The following TTC7B variants were observed in gnomAD, a reference collection of about 807,000 sequenced individuals.
The protein encoded by TTC7B is tetratricopeptide repeat protein 7B.
A neutral mutation model predicts 106.8 loss-of-function variants in TTC7B; 28 were observed. The observed-to-expected ratio is 0.26, with a 90% CI of 0.19 to 0.36. TTC7B has a LOEUF of 0.36. TTC7B is among the 10% of genes least tolerant of loss of function. TTC7B has a pLI of 1.00. For synonymous variants in TTC7B, 405 were observed against 430.6 expected (o/e 0.94, Z 0.74); for missense variants, 862 against 1,076.4 (o/e 0.80, Z 2.79).
Position 90,608,211 on chromosome 14 carries a change from G to A in TTC7B, c.1966+2531C>T, listed in dbSNP as rs376220676. On this transcript the variant is annotated intron_variant, in intron 17 of 19. Transcript: ENST00000328459. This position sits in a 1 kb window ranked among gnomAD's most constrained non-coding sequence, Gnocchi z 5.1. ...ATGGAGGCATTTTTCCCCATTTTTA[G>A]GCAAGCCTTCCCAACGTGTAAGTTT... Among the ~76,000 whole-genome samples the A allele has an allele frequency of 2.6e-5, 4 of 152,286 alleles. No homozygotes were observed. Among genetic ancestry groups the A allele is most frequent in the African/African-American group, 9.6e-5 (4 of 41,546 alleles).
intron 3 of TTC7B, among the ~76,000 whole-genome samples, chr14:90,751,244 G>A (rs1183891141): frequency 6.6e-6 from 1 of 152,198 alleles, no homozygotes; most frequent in African/African-American, 2.4e-5. Context: ...ATGACCAGCT[G>A]TAAAGCATGA....
At chr14:90,688,816 A>C (rs1306487072) in intron 7 of TTC7B, among the ~76,000 whole-genome samples, 2 of 152,082 alleles carry the variant, frequency 1.3e-5, no homozygotes, top group East Asian at 3.9e-4. Flanking sequence ...TAAAAAATAA[A>C]AAAAATTTAA....
intron 4 of TTC7B, among the ~76,000 whole-genome samples, chr14:90,740,726 T>G (rs1197563521): frequency 6.6e-6 from 1 of 152,056 alleles, no homozygotes; most frequent in Non-Finnish European, 1.5e-5. Flanking sequence ...GGTCTCGAAC[T>G]CCTGACATCA....
chr14:90,569,726 C>T (rs546558564), intron 19 of TTC7B: 2 of 152,480 alleles, frequency 1.3e-5, no homozygotes, highest in African/African-American at 4.8e-5. Flanking sequence ...TGAGCCTAGA[C>T]ATGCCTGCAC....
At chr14:90,710,727 C>T (rs569582524) in intron 5 of TTC7B, among the ~76,000 whole-genome samples, 10 of 152,296 alleles carry the variant, frequency 6.6e-5, no homozygotes, top group South Asian at 6.2e-4. Context: ...AACGCTCAGA[C>T]GACTGAGCAT....
chr14:90,757,219 C>T lies in TTC7B; in HGVS notation c.446-12297G>A, dbSNP rs560580052. ...GCTCCCCTGAACCACCCCGTTCCCTCCACTCATGGACTTTTCTATAAAACT... is the reference window on the plus strand; with the variant it reads ...GCTCCCCTGAACCACCCCGTTCCCTTCACTCATGGACTTTTCTATAAAACT... On this transcript the variant is annotated intron_variant, in intron 3 of 19. Coordinates refer to ENST00000328459, the MANE Select transcript of TTC7B (RefSeq NM_001010854.2). This position sits in a 1 kb window ranked among gnomAD's most constrained non-coding sequence, Gnocchi z 4.1. Among the ~76,000 whole-genome samples the T allele has an allele frequency of 1.3e-5, 2 of 152,306 alleles. No individual in the cohort carries two copies. Among genetic ancestry groups the T allele is most frequent in the South Asian group, 4.1e-4 (2 of 4,830 alleles).
chr14:90,642,406 T>C (rs1428513730), intron 15 of TTC7B, among the ~76,000 whole-genome samples: 2 of 152,136 alleles, frequency 1.3e-5, no homozygotes, highest in Admixed American at 6.5e-5. Flanking sequence ...GGCAGTGAAA[T>C]AAAGCCAGAG....
intron 5 of TTC7B, among the ~76,000 whole-genome samples, chr14:90,707,591 A>T (rs1263315081): frequency 6.6e-6 from 1 of 152,212 alleles, no homozygotes; most frequent in Admixed American, 6.5e-5. Context: ...TGCCTACTCC[A>T]GTCAACACAC....
intron 19 of TTC7B, among the ~76,000 whole-genome samples, chr14:90,571,213 T>C (rs1288550609): frequency 1.3e-5 from 2 of 152,190 alleles, no homozygotes; most frequent in Non-Finnish European, 2.9e-5. Flanking sequence ...AAGCCAAGTA[T>C]CAATAATTGT....
rs1885995212 is a variant in TTC7B at position 90,657,391 on chromosome 14, C to T, written c.1237-113G>A. On this transcript the variant is annotated intron_variant, in intron 10 of 19. Coordinates refer to ENST00000328459, the MANE Select transcript of TTC7B (RefSeq NM_001010854.2). This position sits in a 1 kb window ranked among gnomAD's most constrained non-coding sequence, Gnocchi z 4.2. ...GTGACCTCCTCGTGGGCTTGTCCAA[C>T]TTTAAGCCCAAGCAAGCGGGGGCCT... is the stretch of plus-strand genomic sequence containing the variant. 4 of 962,394 alleles carry T rather than the reference C, an allele frequency of 4.2e-6. No individual in the cohort carries two copies. The highest frequency in any genetic ancestry group is 2.4e-5 in the Admixed American group (1 of 41,828). The allele number at this position is 962,394 out of a possible 1,614,324, so 59.6% of individuals were successfully genotyped here. A position where few individuals can be genotyped will look rare whatever the true frequency, so the allele number is the denominator to read the frequency against.
chr14:90,780,505 T>C (rs563589391), intron 3 of TTC7B, among the ~76,000 whole-genome samples: 1 of 127,768 alleles, frequency 7.8e-6, no homozygotes, highest in East Asian at 2.4e-4. Flanking sequence ...GAAACTTTGC[T>C]GAAATGTTTT....
intron 3 of TTC7B, among the ~76,000 whole-genome samples, chr14:90,775,529 T>C (rs1890998039): frequency 6.6e-6 from 1 of 151,900 alleles, no homozygotes; most frequent in South Asian, 2.1e-4. Flanking sequence ...CAGGGAGGAA[T>C]GGAGAAGGTA....
intron 5 of TTC7B, among the ~76,000 whole-genome samples, chr14:90,718,775 T>G (rs1888758080): frequency 6.8e-6 from 1 of 146,980 alleles, no homozygotes; most frequent in African/African-American, 2.5e-5. Flanking sequence ...ATTCATTCAT[T>G]CATGGATGCA....
At chr14:90,594,543 C>G (rs1422000983) in intron 17 of TTC7B, among the ~76,000 whole-genome samples, 2 of 152,082 alleles carry the variant, frequency 1.3e-5, no homozygotes, top group Non-Finnish European at 2.9e-5. Flanking sequence ...TTCAAGAGAG[C>G]AGTTGTTTCA....
chr14:90,620,579 TG>T (rs1194240475), intron 15 of TTC7B, among the ~76,000 whole-genome samples: 1 of 152,020 alleles, frequency 6.6e-6, no homozygotes, highest in Non-Finnish European at 1.5e-5. Context: ...TGGAGGACTG[TG>T]GGGGGTCCAG....
At chr14:90,687,809 G>A (rs868343590) in intron 7 of TTC7B, among the ~76,000 whole-genome samples, 3 of 152,112 alleles carry the variant, frequency 2.0e-5, no homozygotes, top group Non-Finnish European at 4.4e-5. Context: ...ACTAAATTAC[G>A]ATAAGCCGAG....
chr14:90,689,781 A>G, intron 6 of TTC7B, 69 bp from the exon 7 acceptor site: 2 of 1,533,198 alleles, frequency 1.3e-6, no homozygotes, highest in South Asian at 2.4e-5. Flanking sequence ...TCAGTCAGTC[A>G]ATAAATATTT....
intron 15 of TTC7B, among the ~76,000 whole-genome samples, chr14:90,641,162 G>C (rs1178810526): frequency 6.6e-6 from 1 of 152,168 alleles, no homozygotes; most frequent in Non-Finnish European, 1.5e-5. Flanking sequence ...GTACCTCTCA[G>C]CTTAGAACTT....
At chr14:90,641,711 A>T (rs1296153955) in intron 15 of TTC7B, among the ~76,000 whole-genome samples, 2 of 152,234 alleles carry the variant, frequency 1.3e-5, no homozygotes, top group Admixed American at 1.3e-4. Flanking sequence ...ACAGCCTTGC[A>T]TTCCTCAAAT....
Sources: allele counts gnomAD v4.1 joint callset (sites outside exome capture counted in the v4.1 genomes callset), GRCh38; gene constraint gnomAD v4.1.1; non-coding constraint Gnocchi (gnomAD v3.1); transcripts MANE v1.5; gene names NCBI Gene and HGNC (gene_info 2026-07-23, HGNC 2026-07-21).